SUPT5H: variants seen among roughly 807,000 people sequenced by gnomAD.
SUPT5H encodes SPT5 homolog, DSIF elongation factor subunit.
A neutral mutation model predicts 142.5 loss-of-function variants in SUPT5H; 24 were observed. The observed-to-expected ratio is 0.17, with a 90% CI of 0.12 to 0.24. SUPT5H has a LOEUF of 0.24. Ranked by LOEUF, SUPT5H falls within the 10% of genes least tolerant of loss-of-function variation. SUPT5H has a pLI of 1.00. For synonymous variants in SUPT5H, 546 were observed against 553.0 expected, an observed-to-expected ratio of 0.99 and a Z score of 0.18; for missense variants, 893 against 1,471.8, an observed-to-expected ratio of 0.61 and a Z score of 6.43.
chr19:39,474,263 C>T lies in SUPT5H; in HGVS notation c.2681C>T (p.Ala894Val). The change falls in exon 27 of 30, where the codon GCT becomes GTT. Residue 894 changes from alanine (A) to valine (V), a missense_variant. Transcript: ENST00000432763. The surrounding 1 kb of genome is among the most constrained non-coding windows in gnomAD (Gnocchi z 6.5). ...MYNTDQFSPY[A>V]APSPQGSYQP... is the part of the protein sequence containing the mutation. ...AACACAGACCAGTTCTCTCCCTATGCTGCCCCCTCCCCACAAGGTTCCTAC... is the reference window on the plus strand; with the variant it reads ...AACACAGACCAGTTCTCTCCCTATGTTGCCCCCTCCCCACAAGGTTCCTAC... The T allele has an allele frequency of 1.2e-6, 2 of 1,614,080 alleles. No homozygotes were observed. Among genetic ancestry groups the T allele is most frequent in the Middle Eastern group, 1.6e-4 (1 of 6,062 alleles).
At position 39,474,659 on chromosome 19, in the gene SUPT5H, C is replaced by G; in HGVS notation, c.2965C>G (p.Arg989Gly). ...AACCACTGACATTCAGGTGAAGGTG[C>G]GGGACACCTACCTGGATACACAGGT... ...WVTTDIQVKVRDTYLDTQVVG... is the reference protein window; with the variant it reads ...WVTTDIQVKVGDTYLDTQVVG... The change falls in exon 28 of 30, where the codon CGG (arginine) becomes GGG (glycine). Residue 989 changes from arginine to glycine, a missense_variant. By Grantham distance (125) the Arg-to-Gly change is moderately radical (BLOSUM62 -2). Coordinates refer to ENST00000432763, the MANE Select transcript of SUPT5H (RefSeq NM_001111020.3). This position sits in a 1 kb window ranked among gnomAD's most constrained non-coding sequence, Gnocchi z 6.5. 6.2e-7 allele frequency: 1 copy of G among 1,614,088 alleles called. No individual in the cohort carries two copies. Among genetic ancestry groups the G allele is most frequent in the Non-Finnish European group, 8.5e-7 (1 of 1,179,992 alleles).
At position 39,466,818 on chromosome 19, in the gene SUPT5H, T is replaced by C. The variant is rs1600717419; in HGVS notation, c.1037+73T>C. On this transcript the variant is annotated intron_variant, in intron 13 of 29. Transcript: ENST00000432763. The surrounding 1 kb of genome is among the most constrained non-coding windows in gnomAD (Gnocchi z 4.3). ...GTAGAATGTGCCTTTTGCAGGTTCC[T>C]CCCCAGGGGTGGCCCCGCCACAGGT... 1 of 1,480,120 alleles carries C rather than the reference T, an allele frequency of 6.8e-7. No individual in the cohort carries two copies. 91.7% of individuals were successfully genotyped at this position (1,480,120 alleles called of 1,614,324 possible). A position where few individuals can be genotyped will look rare whatever the true frequency, so the allele number is the denominator to read the frequency against.
In SUPT5H at chr19:39,459,893, T is replaced by C. The variant is rs1044402481; in HGVS notation, c.557T>C (p.Ile186Thr). Residue 186 changes from isoleucine (I) to threonine (T), a missense_variant and splice_region_variant, in exon 10 of 30, where the codon ATT becomes ACT. Around this residue, in one of 6 missense-constraint regions of SUPT5H, gnomAD observed 428 missense variants for 763.5 expected, o/e 0.56. Transcript: ENST00000432763. ...TCAAATCTGCCTCTCATCTTCCAGA[T>C]TGGGGAGGAACGGGCCACGGCCATT... ...DPNLWTVKCK[I>T]GEERATAISL... 1.4e-5 allele frequency: 22 copies of C among 1,613,946 alleles called. No homozygotes were observed. The highest frequency in any genetic ancestry group is 6.7e-5 in the Admixed American group (4 of 59,990).
At chr19:39,471,847 T>A in intron 20 of SUPT5H, 117 bp downstream of exon 20, 1 of 1,393,634 alleles carries the variant, frequency 7.2e-7, no homozygotes, top group Admixed American at 2.7e-5. Context: ...GCAGTGTCAT[T>A]GTCAGGTCCT....
Position 39,458,618 on chromosome 19 carries a change from C to T in SUPT5H, c.320-200C>T, listed in dbSNP as rs953442480. 45 of 701,446 alleles carry T rather than the reference C, an allele frequency of 6.4e-5. No individual in the cohort carries two copies. Among genetic ancestry groups the T allele is most frequent in the Middle Eastern group, 4.1e-4 (1 of 2,436 alleles). 43.5% of individuals were successfully genotyped at this position (701,446 alleles called of 1,614,324 possible). On this transcript the variant is annotated intron_variant, in intron 5 of 29. Coordinates refer to ENST00000432763, the MANE Select transcript of SUPT5H (RefSeq NM_001111020.3). The surrounding 1 kb of genome is among the most constrained non-coding windows in gnomAD (Gnocchi z 4.2). The stretch of plus-strand genomic sequence containing the variant: ...GCTGGAAGCCCCCCAACTTGCTGGG[C>T]CCCATCCCCAGTCTTTTTGACAAGA...
At position 39,474,859 on chromosome 19, in the gene SUPT5H, A is replaced by G. The variant is rs759005648; in HGVS notation, c.3024+141A>G. 1.5e-4 allele frequency: 136 copies of G among 926,980 alleles called. No individual in the cohort carries two copies. Among genetic ancestry groups the G allele is most frequent in the Middle Eastern group, 3.3e-4 (1 of 3,018 alleles). 57.4% of individuals were successfully genotyped at this position (926,980 alleles called of 1,614,324 possible). ...GGAAGCCTAGAGGGCAAGGGGAGCT[A>G]TGTGAACCCAAAGGAGGCATCTTAC... On this transcript the variant is annotated intron_variant, in intron 28 of 29. Transcript: ENST00000432763. This position sits in a 1 kb window ranked among gnomAD's most constrained non-coding sequence, Gnocchi z 6.5.
Position 39,470,542 on chromosome 19 carries a change from G to T in SUPT5H, c.1677+19G>T. 1 of 1,505,986 alleles carries T rather than the reference G, an allele frequency of 6.6e-7. No individual in the cohort carries two copies. Among genetic ancestry groups the T allele is most frequent in the Non-Finnish European group, 8.9e-7 (1 of 1,123,282 alleles). 93.3% of individuals were successfully genotyped at this position (1,505,986 alleles called of 1,614,324 possible). ...CTTCCAGGTGTGTGTGTTGTGCTCTGTGGCGGGGACTTGCTTTTAGGAGGC... is the reference window on the plus strand; with the variant it reads ...CTTCCAGGTGTGTGTGTTGTGCTCTTTGGCGGGGACTTGCTTTTAGGAGGC... On this transcript the variant is annotated intron_variant, in intron 18 of 29. Coordinates refer to ENST00000432763, the MANE Select transcript of SUPT5H (RefSeq NM_001111020.3). This position sits in a 1 kb window ranked among gnomAD's most constrained non-coding sequence, Gnocchi z 5.8.
intron 2 of SUPT5H, among the ~76,000 whole-genome samples, chr19:39,453,111 T>G (rs1218375995): frequency 6.7e-6 from 1 of 150,200 alleles, no homozygotes; most frequent in Non-Finnish European, 1.5e-5. Context: ...GAGCAAGAGG[T>G]CTAGTGCAGG....
chr19:39,445,896 G>A lies in SUPT5H; in HGVS notation c.6G>A (p.Ser2=), dbSNP rs1185533830. 7 of 1,613,534 alleles carry A rather than the reference G, an allele frequency of 4.3e-6. No individual in the cohort carries two copies. The highest frequency in any genetic ancestry group is 5.9e-6 in the Non-Finnish European group (7 of 1,179,952). ...TTTCCCAGCAGCAGCGGAAGATGTC[G>A]GACAGCGAGGACAGCAACTTTTCCG... M[S]DSEDSNFSEE... The change falls in exon 2 of 30, where the codon TCG becomes TCA. Residue 2 remains serine (S), a synonymous_variant. Transcript: ENST00000432763.
At position 39,475,968 on chromosome 19, in the gene SUPT5H, C is replaced by G; in HGVS notation, c.3025-113C>G. ...AGGCCCAGCCTTGGCCTTTCCTGCC[C>G]CCATTTCACCTTGAGTTCTCAGAAT... On this transcript the variant is annotated intron_variant, in intron 28 of 29. Transcript: ENST00000432763. 1.0e-5 allele frequency: 10 copies of G among 1,001,868 alleles called. No homozygotes were observed. The South Asian group carries it at 1.4e-4, about 14-fold the overall frequency. 62.1% of individuals were successfully genotyped at this position (1,001,868 alleles called of 1,614,324 possible).
rs1249431023 is a variant in SUPT5H, at chr19:39,446,026, G to A, written c.75+61G>A. On this transcript the variant is annotated intron_variant, in intron 2 of 29. Coordinates refer to ENST00000432763, the MANE Select transcript of SUPT5H (RefSeq NM_001111020.3). ...TGGGGACAGGACTCCGGGCAGAAAG[G>A]CCCCTGTGGGAGGCTCGAGGGGTTC... The A allele has an allele frequency of 8.3e-6, 13 of 1,558,164 alleles. No homozygotes were observed. In the East Asian group the frequency reaches 1.6e-4, roughly 19 times the overall value.
Position 39,476,371 on chromosome 19 carries a change from G to A in SUPT5H, c.3236G>A (p.Arg1079His), listed in dbSNP as rs771527166. The change falls in exon 30 of 30, where the codon CGC (arginine) becomes CAC (histidine). Residue 1079 changes from arginine to histidine, a missense_variant. Physicochemically the swap from Arg to His is conservative, Grantham distance 29. Coordinates refer to ENST00000432763, the MANE Select transcript of SUPT5H (RefSeq NM_001111020.3). ...GAGCAGCTCAAGATCCTCAACCTCC[G>A]CTTCCTGGGGAAGCTCCTGGAAGCC... Reference protein sequence around the residue: ...LDEQLKILNLRFLGKLLEA With the variant: ...LDEQLKILNLHFLGKLLEA 2.3e-5 allele frequency: 37 copies of A among 1,613,988 alleles called. No homozygotes were observed. The highest frequency in any genetic ancestry group is 3.0e-5 in the Non-Finnish European group (35 of 1,180,036).
Position 39,466,948 on chromosome 19 carries a change from G to A in SUPT5H, c.1037+203G>A. On this transcript the variant is annotated intron_variant, in intron 13 of 29. Coordinates refer to ENST00000432763, the MANE Select transcript of SUPT5H (RefSeq NM_001111020.3). The surrounding 1 kb of genome is among the most constrained non-coding windows in gnomAD (Gnocchi z 4.3). Reference sequence around the variant, plus strand: ...ATAAAGATTGATGAGGCTGGGCGCAGCGGGAGGGAGCACTTTGGAAGGCTA... The same window carrying A: ...ATAAAGATTGATGAGGCTGGGCGCAACGGGAGGGAGCACTTTGGAAGGCTA... 1 of 592,290 alleles carries A rather than the reference G, an allele frequency of 1.7e-6. No individual in the cohort carries two copies. Among genetic ancestry groups the A allele is most frequent in the South Asian group, 2.1e-5 (1 of 48,682 alleles). 36.7% of individuals were successfully genotyped at this position (592,290 alleles called of 1,614,324 possible).
chr19:39,459,908 C>G lies in SUPT5H; in HGVS notation c.572C>G (p.Ala191Gly). ...ATCTTCCAGATTGGGGAGGAACGGG[C>G]CACGGCCATTTCCTTGATGCGCAAG... ...TVKCKIGEER[A>G]TAISLMRKFI... Residue 191 changes from alanine to glycine, a missense_variant, in exon 10 of 30, where the codon GCC (alanine) becomes GGC (glycine). Physicochemically the swap from Ala to Gly is moderately conservative, Grantham distance 60 (BLOSUM62 0). Transcript: ENST00000432763. 6.2e-7 allele frequency: 1 copy of G among 1,614,168 alleles called. No individual in the cohort carries two copies. Among genetic ancestry groups the G allele is most frequent in the Non-Finnish European group, 8.5e-7 (1 of 1,180,040 alleles).
rs761983112 is a variant in SUPT5H at position 39,471,365 on chromosome 19, C to T, written c.1686C>T (p.Asn562=). Residue 562 remains asparagine (N), a synonymous_variant, in exon 19 of 30, where the codon AAC becomes AAT. Transcript: ENST00000432763. ...RLERETFQVL[N]MYGKVVTVRH... is the part of the protein sequence containing the mutation. ...CTGCTCTCCCTCTGTAGGTGCTGAA[C>T]ATGTACGGGAAGGTGGTGACTGTCA... 4 of 1,614,074 alleles carry T rather than the reference C, an allele frequency of 2.5e-6. No homozygotes were observed. The highest frequency in any genetic ancestry group is 1.3e-5 in the African/African-American group (1 of 74,926).
Position 39,453,365 on chromosome 19 carries a change from G to A in SUPT5H, c.85G>A (p.Glu29Lys). 6.2e-7 allele frequency: 1 copy of A among 1,603,986 alleles called. No individual in the cohort carries two copies. The highest frequency in any genetic ancestry group is 8.5e-7 in the Non-Finnish European group (1 of 1,174,816). ...TGCCTGACCCCTGTAGGTAGACGAA[G>A]AGCGGCGGAGTGCAGCGGGCAGTGA... ...SDGEEAEVDE[E>K]RRSAAGSEKE... is the part of the protein sequence containing the mutation. The change falls in exon 3 of 30, where the codon GAG becomes AAG. Residue 29 changes from glutamate to lysine, a missense_variant. By Grantham distance (56) the Glu-to-Lys change is moderately conservative. Around this residue, in one of 6 missense-constraint regions of SUPT5H, gnomAD observed 70 missense variants for 70.5 expected, o/e 0.99. Coordinates refer to ENST00000432763, the MANE Select transcript of SUPT5H (RefSeq NM_001111020.3).
intron 2 of SUPT5H, among the ~76,000 whole-genome samples, chr19:39,447,450 CTTTTT>C (rs59007555): frequency 1.5e-5 from 2 of 132,048 alleles, no homozygotes; most frequent in African/African-American, 5.7e-5. Context: ...TTGCCATTAT[CTTTTT>C]TTTTTTTTTT....
chr19:39,446,580 A>C (rs2078956852), intron 2 of SUPT5H, among the ~76,000 whole-genome samples: 1 of 152,194 alleles, frequency 6.6e-6, no homozygotes, highest in Non-Finnish European at 1.5e-5. Context: ...GCAGGTGCAG[A>C]GATGGGAGTG....
chr19:39,459,378 G>A (rs2079132136), intron 8 of SUPT5H, 129 bp downstream of exon 8: 6 of 1,352,378 alleles, frequency 4.4e-6, no homozygotes, highest in South Asian at 1.3e-5. Flanking sequence ...GATGGCAGGG[G>A]TAGGGAGGGC....
Sources: gnomAD v4.1 joint callset for allele counts (sites outside exome capture counted in the v4.1 genomes callset) on GRCh38, gnomAD v4.1.1 for gene constraint, gnomAD v4.1.1 regional missense constraint, Gnocchi (gnomAD v3.1) non-coding constraint, MANE v1.5 for transcripts, NCBI Gene and HGNC (gene_info 2026-07-23, HGNC 2026-07-21) for gene names.